RAD54L: variants seen among roughly 807,000 people sequenced by gnomAD.
RAD54L encodes the protein DNA repair and recombination protein RAD54-like.
RAD54L carries 74 observed loss-of-function variants against 91.6 expected under a neutral mutation model. The observed-to-expected ratio is 0.81, with a 90% CI of 0.67 to 0.98. RAD54L has a LOEUF of 0.98. Among genes scored for constraint, RAD54L ranks in the 50% least tolerant of loss-of-function variants. RAD54L has a pLI of 0.00. For synonymous variants in RAD54L, 304 were observed against 349.7 expected (o/e 0.87, Z 1.46); for missense variants, 887 against 945.7 (o/e 0.94, Z 0.81).
intron 9 of RAD54L, among the ~76,000 whole-genome samples, chr1:46,268,670 A>G (rs1280445494): frequency 6.7e-6 from 1 of 149,778 alleles, no homozygotes; most frequent in East Asian, 2.0e-4. Flanking sequence ...TTTGTTCAAC[A>G]TGTTTATAAA....
At position 46,248,384 on chromosome 1, in the gene RAD54L, G is replaced by A. The variant is rs1659706931; in HGVS notation, c.-22G>A. Reference sequence around the variant, plus strand: ...GACCTTTGGCTCATGGGTACTTGACGTTTTAAACTCCTAGGCCCAGGATGG... The same window carrying A: ...GACCTTTGGCTCATGGGTACTTGACATTTTAAACTCCTAGGCCCAGGATGG... On this transcript the variant is annotated 5_prime_UTR_variant, in exon 1 of 18. Coordinates refer to ENST00000371975, the MANE Select transcript of RAD54L (RefSeq NM_003579.4). 1.2e-6 allele frequency: 2 copies of A among 1,613,556 alleles called. No individual in the cohort carries two copies. The highest frequency in any genetic ancestry group is 1.3e-5 in the African/African-American group (1 of 75,026).
At chr1:46,277,706 A>G in intron 16 of RAD54L, 111 bp from the exon 17 acceptor site, 2 of 1,251,752 alleles carry the variant, frequency 1.6e-6, no homozygotes, top group Admixed American at 1.7e-5. Flanking sequence ...CTTTTTATTC[A>G]TCTCCTCTTC....
intron 3 of RAD54L, among the ~76,000 whole-genome samples, chr1:46,254,883 G>A (rs983592766): frequency 2.6e-5 from 4 of 152,146 alleles, no homozygotes; most frequent in East Asian, 3.8e-4. Flanking sequence ...CACTGCAGCC[G>A]GTTGGGAGCA....
At position 46,260,921 on chromosome 1, in the gene RAD54L, G is replaced by T; in HGVS notation, c.672G>T (p.Lys224Asn). 3 of 1,614,216 alleles carry T rather than the reference G, an allele frequency of 1.9e-6. No individual in the cohort carries two copies. The highest frequency in any genetic ancestry group is 2.5e-6 in the Non-Finnish European group (3 of 1,180,040). ...AVVVSPSSLV[K>N]NWYNEVGKWL... ...TGGTGTCGCCTTCCAGCCTGGTGAAGAACTGGTACAATGAGGTTGGGAAAT... is the reference window on the plus strand; with the variant it reads ...TGGTGTCGCCTTCCAGCCTGGTGAATAACTGGTACAATGAGGTTGGGAAAT... Residue 224 changes from lysine (K) to asparagine (N), a missense_variant, in exon 7 of 18, where the codon AAG (lysine) becomes AAT (asparagine). By Grantham distance (94) the Lys-to-Asn change is moderately conservative. Coordinates refer to ENST00000371975, the MANE Select transcript of RAD54L (RefSeq NM_003579.4).
chr1:46,255,492 C>CT (rs869103738), intron 3 of RAD54L, among the ~76,000 whole-genome samples: 878 of 80,786 alleles, frequency 0.011, 3 homozygotes, highest in South Asian at 0.016. Context: ...TTGGCCATTC[C>CT]TTTTTTTTTT....
chr1:46,267,665 A>G, intron 9 of RAD54L, 56 bp downstream of exon 9: 1 of 1,541,496 alleles, frequency 6.5e-7, no homozygotes, highest in Non-Finnish European at 9.0e-7. Flanking sequence ...TGTCTTTGGG[A>G]GTATAACTCC....
intron 14 of RAD54L, 21 bp downstream of exon 14, chr1:46,273,768 G>T: frequency 6.3e-7 from 1 of 1,587,418 alleles, no homozygotes; most frequent in Non-Finnish European, 8.6e-7. Context: ...TCCTAACCAG[G>T]ATGCCAAAGG....
chr1:46,266,014 A>G (rs1660257262), intron 8 of RAD54L, among the ~76,000 whole-genome samples: 1 of 152,230 alleles, frequency 6.6e-6, no homozygotes, highest in Admixed American at 6.5e-5. Context: ...AAATAGTAGC[A>G]GCCATTACGT....
chr1:46,254,133 C>T (rs562737143), intron 3 of RAD54L, among the ~76,000 whole-genome samples: 1 of 151,950 alleles, frequency 6.6e-6, no homozygotes. Context: ...CGCCACCATA[C>T]CTGGCACATT....
chr1:46,258,198 T>C lies in RAD54L; in HGVS notation c.211-488T>C, dbSNP rs75221407. 8.5e-5 allele frequency among the ~76,000 whole-genome samples: 13 copies of C among 152,156 alleles called. No homozygotes were observed. In the East Asian group the frequency reaches 2.5e-3, roughly 29 times the overall value. On this transcript the variant is annotated intron_variant, in intron 3 of 17. Transcript: ENST00000371975. ...CGGCCTGGTGTTGTTAATATTATTT[T>C]ATTAATACGATGGCTCCCATTTCTC...
At position 46,270,603 on chromosome 1, in the gene RAD54L, GT is replaced by G. The variant is rs1463234601; in HGVS notation, c.1043-55del. ...AGAAGGTAGTCTGCCATCACTAGCTGTGGGAAAATCATTCCTTTTCCACATT... is the reference window on the plus strand; with the variant it reads ...AGAAGGTAGTCTGCCATCACTAGCTGGGGAAAATCATTCCTTTTCCACATT... On this transcript the variant is annotated intron_variant, in intron 9 of 17. Coordinates refer to ENST00000371975, the MANE Select transcript of RAD54L (RefSeq NM_003579.4). 4.4e-6 allele frequency: 7 copies of G among 1,608,572 alleles called. No homozygotes were observed. In the African/African-American group the frequency reaches 9.4e-5, roughly 21 times the overall value.
intron 10 of RAD54L, 109 bp downstream of exon 10, chr1:46,270,894 G>A: frequency 6.8e-7 from 1 of 1,475,720 alleles, no homozygotes; most frequent in Non-Finnish European, 9.3e-7. Context: ...TCTAGGAAGG[G>A]AGTGGGTTCT....
At position 46,272,757 on chromosome 1, in the gene RAD54L, G is replaced by C. The variant is rs777478503; in HGVS notation, c.1330G>C (p.Val444Leu). ...AEELLEGKMS[V>L]SSLSSITSLK... ...AGAATTGCTTGAGGGCAAGATGAGT[G>C]TGTCTTCCCTTTCTTCCATCACCTC... The change falls in exon 12 of 18, where the codon GTG becomes CTG. Residue 444 changes from valine (V) to leucine (L), a missense_variant. By Grantham distance (32) the Val-to-Leu change is conservative (BLOSUM62 1). Coordinates refer to ENST00000371975, the MANE Select transcript of RAD54L (RefSeq NM_003579.4). The C allele has an allele frequency of 6.2e-7, 1 of 1,614,178 alleles. No homozygotes were observed. Among genetic ancestry groups the C allele is most frequent in the East Asian group, 2.2e-5 (1 of 44,882 alleles).
At chr1:46,268,543 A>G (rs561957406) in intron 9 of RAD54L, among the ~76,000 whole-genome samples, 6 of 152,112 alleles carry the variant, frequency 3.9e-5, no homozygotes, top group Admixed American at 1.3e-4. Flanking sequence ...TCTAATCACT[A>G]TCCTCTCCTT....
At chr1:46,273,205 T>G in intron 12 of RAD54L, 150 bp from the exon 13 acceptor site, 1 of 775,064 alleles carries the variant, frequency 1.3e-6, no homozygotes, top group East Asian at 2.4e-5. Context: ...GCACCGACTA[T>G]ATCCTGTTGG....
chr1:46,261,785 T>C (rs2148289805), intron 8 of RAD54L, among the ~76,000 whole-genome samples: 1 of 152,284 alleles, frequency 6.6e-6, no homozygotes, highest in Admixed American at 6.5e-5. Flanking sequence ...CAAGCCAAAG[T>C]AGGATCTGTA....
intron 15 of RAD54L, 34 bp downstream of exon 15, chr1:46,274,250 G>A (rs1312470946): frequency 6.4e-7 from 1 of 1,567,318 alleles, no homozygotes; most frequent in Non-Finnish European, 8.8e-7. Flanking sequence ...CACCACCAAT[G>A]CAGTATCATC....
At chr1:46,266,599 G>A (rs1660272020) in intron 8 of RAD54L, among the ~76,000 whole-genome samples, 1 of 152,226 alleles carries the variant, frequency 6.6e-6, no homozygotes, top group Non-Finnish European at 1.5e-5. Flanking sequence ...GGGAAGAGAT[G>A]TGAAGGGAAG....
intron 3 of RAD54L, among the ~76,000 whole-genome samples, chr1:46,250,976 AAAAACAAAAAACAAAAAAC>A (rs1659782534): frequency 6.6e-6 from 1 of 150,386 alleles, no homozygotes; most frequent in African/African-American, 2.5e-5. Context: ...CTCAAAAAAA[AAAAACAAAAAACAAAAAAC>A]AAAACAAAAC....
Sources: gnomAD v4.1 joint callset for allele counts (sites outside exome capture counted in the v4.1 genomes callset) on GRCh38, gnomAD v4.1.1 for gene constraint, MANE v1.5 for transcripts, NCBI Gene and HGNC (gene_info 2026-07-23, HGNC 2026-07-21) for gene names.